The following MRRF variants were observed in gnomAD, a reference collection of about 807,000 sequenced individuals.
MRRF encodes the protein mitochondrial ribosome recycling factor.
MRRF carries 18 observed loss-of-function variants against 25.1 expected under a neutral mutation model. That is an observed-to-expected ratio of 0.72 (90% CI 0.50 to 1.06). MRRF has a LOEUF of 1.06. Ranked by LOEUF, MRRF falls within the 50% of genes least tolerant of loss-of-function variation. MRRF has a pLI of 0.00. For missense variants in MRRF, 323 were observed against 319.3 expected, an observed-to-expected ratio of 1.01 and a Z score of -0.09; for synonymous variants, 113 against 112.1, an observed-to-expected ratio of 1.01 and a Z score of -0.05.
chr9:122,296,614 T>C (rs1834101277), intron 5 of MRRF, among the ~76,000 whole-genome samples: 1 of 152,208 alleles, frequency 6.6e-6, no homozygotes, highest in African/African-American at 2.4e-5. Context: ...TCCTGTCTCC[T>C]GATAGAAGAT....
At chr9:122,265,824 C>T (rs1832039175) in intron 1 of MRRF, 1 of 1,166,516 alleles carries the variant, frequency 8.6e-7, no homozygotes, top group Non-Finnish European at 1.1e-6. Context: ...TAGGCAAAAG[C>T]CCTTTCTCTA....
intron 5 of MRRF, among the ~76,000 whole-genome samples, chr9:122,293,124 G>A (rs140028404): frequency 1.1e-3 from 170 of 152,192 alleles, no homozygotes; most frequent in Middle Eastern, 6.8e-3. Context: ...CAAAGTAAGG[G>A]GATAGGGAGA....
At chr9:122,320,652 G>A (rs117176143) in intron 6 of MRRF, among the ~76,000 whole-genome samples, 12 of 152,326 alleles carry the variant, frequency 7.9e-5, no homozygotes, top group Non-Finnish European at 1.8e-4. Flanking sequence ...GCAGCCCCCA[G>A]GTGTTTTGCT....
intron 2 of MRRF, among the ~76,000 whole-genome samples, chr9:122,276,292 G>T (rs1248644570): frequency 6.6e-6 from 1 of 151,748 alleles, no homozygotes; most frequent in Non-Finnish European, 1.5e-5. Flanking sequence ...TTCCTATAAG[G>T]TTGTTTATTT....
rs1377872770 is a variant in MRRF, at chr9:122,325,647, T to C, written c.*3030T>C. On this transcript the variant is annotated 3_prime_UTR_variant, in exon 7 of 7. Coordinates refer to ENST00000344641, the MANE Select transcript of MRRF (RefSeq NM_138777.5). ...TTCCTGTCTGGTGTGTGTGTGTGTG[T>C]GTGTGTGTGTGTGTGTGTGTGTGTG... is the stretch of plus-strand genomic sequence containing the variant. The C allele has an allele frequency of 8.8e-6, 1 of 113,964 alleles. No homozygotes were observed. Among genetic ancestry groups the C allele is most frequent in the Non-Finnish European group, 2.0e-5 (1 of 50,366 alleles). 7.1% of individuals were successfully genotyped at this position (113,964 alleles called of 1,614,324 possible).
chr9:122,311,813 A>G (rs1835222471), intron 5 of MRRF, among the ~76,000 whole-genome samples: 1 of 152,168 alleles, frequency 6.6e-6, no homozygotes, highest in African/African-American at 2.4e-5. Context: ...AAAGACTTAG[A>G]TTCATTTATT....
chr9:122,314,176 C>G (rs1263067640), intron 6 of MRRF, among the ~76,000 whole-genome samples: 1 of 152,198 alleles, frequency 6.6e-6, no homozygotes, highest in African/African-American at 2.4e-5. Context: ...ATTTCTTGTT[C>G]TCATTTCCAT....
intron 5 of MRRF, among the ~76,000 whole-genome samples, chr9:122,310,826 C>T (rs1226910363): frequency 1.3e-5 from 2 of 152,170 alleles, no homozygotes; most frequent in East Asian, 3.8e-4. Flanking sequence ...TGCATACTCA[C>T]AGAAACCCAG....
At chr9:122,291,724 G>T in intron 4 of MRRF, 25 bp from the exon 5 acceptor site, 1 of 1,531,152 alleles carries the variant, frequency 6.5e-7, no homozygotes, top group Non-Finnish European at 9.1e-7. Context: ...TACTAATTCT[G>T]TTTACCTTTT....
chr9:122,265,765 G>A, intron 1 of MRRF: 1 of 1,288,896 alleles, frequency 7.8e-7, no homozygotes, highest in South Asian at 1.2e-5. Flanking sequence ...AATGGCAGAT[G>A]GCAGGGAGTG....
intron 6 of MRRF, among the ~76,000 whole-genome samples, chr9:122,321,939 A>G (rs1354962059): frequency 1.3e-5 from 2 of 152,166 alleles, no homozygotes; most frequent in Non-Finnish European, 2.9e-5. Context: ...CTGTGGATTA[A>G]ATTTTGTCAT....
chr9:122,327,097 G>T lies in MRRF; in HGVS notation c.*4480G>T, dbSNP rs572569560. 1.2e-4 allele frequency: 18 copies of T among 152,276 alleles called. No individual in the cohort carries two copies. Among genetic ancestry groups the T allele is most frequent in the African/African-American group, 4.3e-4 (18 of 41,560 alleles). 9.4% of individuals were successfully genotyped at this position (152,276 alleles called of 1,614,324 possible). The stretch of plus-strand genomic sequence containing the variant: ...AGCAAGCTGTTCCTAATTAATGACT[G>T]CAAGTAAAATAGCATAGTACCTGGC... On this transcript the variant is annotated 3_prime_UTR_variant, in exon 7 of 7. Coordinates refer to ENST00000344641, the MANE Select transcript of MRRF (RefSeq NM_138777.5).
At chr9:122,292,515 A>G (rs1833838622) in intron 5 of MRRF, among the ~76,000 whole-genome samples, 2 of 152,208 alleles carry the variant, frequency 1.3e-5, no homozygotes, top group Non-Finnish European at 2.9e-5. Context: ...AGAAGAGAAA[A>G]TATAAGACCT....
At chr9:122,265,379 C>T (rs753243716) in intron 1 of MRRF, 5 of 235,314 alleles carry the variant, frequency 2.1e-5, no homozygotes, top group Non-Finnish European at 3.4e-5. Context: ...CTGTGCCACC[C>T]AGTGGCAAAA....
At chr9:122,317,077 T>TATATATATAG (rs939008729) in intron 6 of MRRF, among the ~76,000 whole-genome samples, 7 of 150,550 alleles carry the variant, frequency 4.6e-5, no homozygotes, top group Non-Finnish European at 8.9e-5. Flanking sequence ...AATATATATA[T>TATATATATAG]ATATATATAT....
chr9:122,312,290 C>T (rs190645468), intron 5 of MRRF, among the ~76,000 whole-genome samples: 1 of 152,276 alleles, frequency 6.6e-6, no homozygotes, highest in East Asian at 1.9e-4. Context: ...ACTCATGTGG[C>T]ATAGAACGGT....
chr9:122,284,915 G>T (rs1564483096), intron 3 of MRRF, among the ~76,000 whole-genome samples: 1 of 152,118 alleles, frequency 6.6e-6, no homozygotes, highest in East Asian at 1.9e-4. Context: ...TCATTGCTGA[G>T]TAGCTCATCT....
intron 1 of MRRF, among the ~76,000 whole-genome samples, chr9:122,269,183 T>A (rs1437275855): frequency 7.3e-5 from 11 of 150,256 alleles, no homozygotes; most frequent in African/African-American, 2.5e-5. Context: ...AAAAAAATAA[T>A]AATAATAATA....
chr9:122,285,209 G>A lies in MRRF; in HGVS notation c.381G>A (p.Lys127=), dbSNP rs1227284353. ...TTGCTGTGGTAACTGCTGACGGGAA[G>A]CTTGCTTTAAACCAGATTAGCCAGA... ...DKIAVVTADG[K]LALNQISQIS... The change falls in exon 4 of 7, where the codon AAG becomes AAA. Residue 127 remains lysine, a synonymous_variant. Coordinates refer to ENST00000344641, the MANE Select transcript of MRRF (RefSeq NM_138777.5). 1 of 1,613,990 alleles carries A rather than the reference G, an allele frequency of 6.2e-7. No individual in the cohort carries two copies. Among genetic ancestry groups the A allele is most frequent in the South Asian group, 1.1e-5 (1 of 91,084 alleles).
Sources: allele counts gnomAD v4.1 joint callset (sites outside exome capture counted in the v4.1 genomes callset), GRCh38; gene constraint gnomAD v4.1.1; transcripts MANE v1.5; gene names NCBI Gene and HGNC (gene_info 2026-07-23, HGNC 2026-07-21).